BNC2: variants seen among roughly 807,000 people sequenced by gnomAD.
The protein encoded by BNC2 is zinc finger protein basonuclin-2.
BNC2 carries 20 observed loss-of-function variants against 76.3 expected under a neutral mutation model. The observed-to-expected ratio is 0.26, with a 90% CI of 0.18 to 0.38. The LOEUF (loss-of-function observed/expected upper bound fraction) is 0.38. Among genes scored for constraint, BNC2 ranks in the 10% least tolerant of loss-of-function variants. The pLI, the probability that BNC2 is intolerant of heterozygous loss-of-function variation, is 1.00. For missense variants in BNC2, 1,382 were observed against 1,399.8 expected, an observed-to-expected ratio of 0.99 and a Z score of 0.20; for synonymous variants, 582 against 514.8, an observed-to-expected ratio of 1.13 and a Z score of -1.77.
intron 5 of BNC2, among the ~76,000 whole-genome samples, chr9:16,548,382 A>AATT (rs1172629136): frequency 5.3e-5 from 8 of 150,634 alleles, no homozygotes; most frequent in African/African-American, 1.9e-4. Flanking sequence ...CTGAACTAAG[A>AATT]ATTCTTCTTC....
intron 5 of BNC2, among the ~76,000 whole-genome samples, chr9:16,481,583 G>C (rs545463759): frequency 6.6e-6 from 1 of 152,300 alleles, no homozygotes; most frequent in Non-Finnish European, 1.5e-5. Context: ...CATTCTTGAA[G>C]TCAGTGAGAC....
In BNC2 at chr9:16,815,921, T is replaced by G. The variant is rs1041432930; in HGVS notation, c.3+54725A>C. Among the ~76,000 whole-genome samples, 3 of 152,276 alleles carry G rather than the reference T, an allele frequency of 2.0e-5. No homozygotes were observed. In the East Asian group the frequency reaches 5.8e-4, roughly 30 times the overall value. On this transcript the variant is annotated intron_variant, in intron 1 of 6. Coordinates refer to ENST00000380672, the MANE Select transcript of BNC2 (RefSeq NM_017637.6). ...TCTAGCACAGCTGAATAATGCTCTG[T>G]AAGGAATAAACTACCAGCCATGCCT... is the stretch of plus-strand genomic sequence containing the variant.
intron 1 of BNC2, among the ~76,000 whole-genome samples, chr9:16,743,338 C>T (rs1333894308): frequency 1.3e-5 from 2 of 152,044 alleles, no homozygotes; most frequent in African/African-American, 4.8e-5. Context: ...TTGGTTAAAG[C>T]TCCTAAGCCT....
chr9:16,572,662 G>C (rs895018394), intron 4 of BNC2, among the ~76,000 whole-genome samples: 2 of 152,098 alleles, frequency 1.3e-5, no homozygotes, highest in African/African-American at 4.8e-5. Flanking sequence ...GGGAGTGGTG[G>C]TGCAGAGGGG....
chr9:16,756,848 G>A (rs941213488), intron 1 of BNC2, among the ~76,000 whole-genome samples: 3 of 151,944 alleles, frequency 2.0e-5, no homozygotes, highest in African/African-American at 7.3e-5. Flanking sequence ...AAAATTAACC[G>A]GGCATGGTGG....
intron 4 of BNC2, among the ~76,000 whole-genome samples, chr9:16,557,283 G>A (rs971482673): frequency 3.9e-5 from 6 of 152,084 alleles, no homozygotes; most frequent in South Asian, 2.1e-4. Context: ...CGAATAACCC[G>A]AGGTCAGGAG....
intron 1 of BNC2, among the ~76,000 whole-genome samples, chr9:16,816,635 A>C (rs1361853422): frequency 1.3e-5 from 2 of 152,238 alleles, no homozygotes; most frequent in African/African-American, 4.8e-5. Flanking sequence ...AATCTAAGAA[A>C]AACTGGGAAA....
intron 1 of BNC2, among the ~76,000 whole-genome samples, chr9:16,760,267 C>G (rs2135375225): frequency 6.6e-6 from 1 of 152,248 alleles, no homozygotes; most frequent in East Asian, 1.9e-4. Flanking sequence ...TTCAGCAACT[C>G]TCAGAAAAAT....
rs58432278 is a variant in BNC2, at chr9:16,485,111, GACAC to G, written c.670-47591_670-47588del. ...ACACACACACACAGAGACACACACAGACACACACACACACACACACTATTTCTAT... is the reference window on the plus strand; with the variant it reads ...ACACACACACACAGAGACACACACAGACACACACACACACACTATTTCTAT... On this transcript the variant is annotated intron_variant, in intron 5 of 6. Coordinates refer to ENST00000380672, the MANE Select transcript of BNC2 (RefSeq NM_017637.6). 7.0e-5 allele frequency among the ~76,000 whole-genome samples: 10 copies of G among 143,660 alleles called. No homozygotes were observed. In the East Asian group the frequency reaches 8.2e-4, roughly 12 times the overall value. The allele number at this position is 143,660 out of a possible 152,430, so 94.2% of individuals were successfully genotyped here.
intron 3 of BNC2, among the ~76,000 whole-genome samples, chr9:16,631,912 G>A (rs1042352166): frequency 6.6e-6 from 1 of 152,154 alleles, no homozygotes; most frequent in African/African-American, 2.4e-5. Context: ...AAGGACTAGG[G>A]AGAACAACAT....
chr9:16,755,499 T>C (rs573874850), intron 1 of BNC2, among the ~76,000 whole-genome samples: 1 of 152,284 alleles, frequency 6.6e-6, no homozygotes, highest in South Asian at 2.1e-4. Context: ...AATATCACTA[T>C]GCTAACTATG....
In BNC2 at chr9:16,423,313, T is replaced by G. The variant is rs550327069; in HGVS notation, c.2640-3664A>C. The stretch of plus-strand genomic sequence containing the variant: ...TGAACAGTAGAAAGGTTGTTTCTAC[T>G]TGCTTTGATTTGGAAGGCAAGAAAG... On this transcript the variant is annotated intron_variant, in intron 6 of 6. Transcript: ENST00000380672. Among the ~76,000 whole-genome samples the G allele has an allele frequency of 2.6e-5, 4 of 152,320 alleles. No individual in the cohort carries two copies. The South Asian group carries it at 8.3e-4, about 32-fold the overall frequency.
intron 3 of BNC2, among the ~76,000 whole-genome samples, chr9:16,624,250 C>T (rs1458485174): frequency 1.3e-5 from 2 of 152,066 alleles, no homozygotes; most frequent in African/African-American, 4.8e-5. Flanking sequence ...TGGACTCATA[C>T]CACAGGGCTA....
intron 1 of BNC2, among the ~76,000 whole-genome samples, chr9:16,865,677 T>C (rs1048669538): frequency 3.3e-5 from 5 of 151,864 alleles, no homozygotes; most frequent in African/African-American, 9.7e-5. Flanking sequence ...AAAGAGAAAA[T>C]AGAGCAAAAA....
At chr9:16,827,537 C>G (rs1405681817) in intron 1 of BNC2, among the ~76,000 whole-genome samples, 2 of 152,196 alleles carry the variant, frequency 1.3e-5, no homozygotes, top group Non-Finnish European at 1.5e-5. Flanking sequence ...CCGGAGAACT[C>G]AGTCAACACA....
intron 3 of BNC2, among the ~76,000 whole-genome samples, chr9:16,688,971 G>C (rs1685542850): frequency 6.6e-6 from 1 of 152,060 alleles, no homozygotes; most frequent in South Asian, 2.1e-4. Flanking sequence ...CAAAAGATAT[G>C]ACAAGTATAA....
intron 1 of BNC2, among the ~76,000 whole-genome samples, chr9:16,815,480 T>C (rs558433990): frequency 6.6e-6 from 1 of 152,328 alleles, no homozygotes; most frequent in South Asian, 2.1e-4. Flanking sequence ...ACAGTCAACT[T>C]TAATATAGCA....
At chr9:16,733,181 CA>C (rs1419353549) in intron 2 of BNC2, among the ~76,000 whole-genome samples, 2 of 152,170 alleles carry the variant, frequency 1.3e-5, no homozygotes, top group African/African-American at 4.8e-5. Context: ...TGCTCTCCAA[CA>C]TCTGTTGGGC....
intron 1 of BNC2, among the ~76,000 whole-genome samples, chr9:16,848,637 A>G (rs182846881): frequency 5.9e-4 from 90 of 152,310 alleles, no homozygotes; most frequent in African/African-American, 2.0e-3. Context: ...TCATAAAACA[A>G]TGTAGGAAAT....
Sources: gnomAD v4.1 joint callset for allele counts (sites outside exome capture counted in the v4.1 genomes callset) on GRCh38, gnomAD v4.1.1 for gene constraint, MANE v1.5 for transcripts, NCBI Gene and HGNC (gene_info 2026-07-23, HGNC 2026-07-21) for gene names.